The following CNTNAP2 variants were observed in gnomAD, a reference collection of about 807,000 sequenced individuals.
The protein encoded by CNTNAP2 is contactin associated protein 2.
Under a neutral mutation model 155.2 loss-of-function variants are expected in CNTNAP2, and 98 were observed. The ratio of observed to expected loss-of-function variants is 0.63; its 90% CI spans 0.54 to 0.75. CNTNAP2 has a LOEUF of 0.75. Ranked by LOEUF, CNTNAP2 falls within the 30% of genes least tolerant of loss-of-function variation. CNTNAP2 has a pLI of 0.00. For missense variants in CNTNAP2, 1,727 were observed against 1,688.1 expected (o/e 1.02, Z -0.40); for synonymous variants, 651 against 631.2 (o/e 1.03, Z -0.47).
intron 21 of CNTNAP2, among the ~76,000 whole-genome samples, chr7:148,383,103 G>A (rs1271067461): frequency 3.9e-5 from 6 of 152,078 alleles, no homozygotes; most frequent in Admixed American, 2.0e-4. Context: ...GACACTAGCC[G>A]GGGATTCTGT....
chr7:146,972,251 G>T (rs180935745), intron 3 of CNTNAP2, among the ~76,000 whole-genome samples: 16 of 152,234 alleles, frequency 1.1e-4, no homozygotes, highest in African/African-American at 3.4e-4. Flanking sequence ...CTTTATTAAT[G>T]TATATTCTAG....
At chr7:147,130,783 G>C (rs530312041) in intron 7 of CNTNAP2, among the ~76,000 whole-genome samples, 1 of 152,140 alleles carries the variant, frequency 6.6e-6, no homozygotes, top group South Asian at 2.1e-4. Flanking sequence ...TCCAAAGTCA[G>C]CACCGTTACT....
At chr7:147,675,943 A>T (rs1795859364) in intron 13 of CNTNAP2, among the ~76,000 whole-genome samples, 1 of 152,098 alleles carries the variant, frequency 6.6e-6, no homozygotes, top group South Asian at 2.1e-4. Flanking sequence ...AATTGTGATG[A>T]TACTAGCTTC....
chr7:148,342,018 C>T (rs1187725920), intron 21 of CNTNAP2, among the ~76,000 whole-genome samples: 1 of 152,184 alleles, frequency 6.6e-6, no homozygotes, highest in South Asian at 2.1e-4. Context: ...GCTTAGCCAA[C>T]GCATCTGAAA....
chr7:147,581,436 A>G (rs929435868), intron 12 of CNTNAP2, among the ~76,000 whole-genome samples: 1 of 152,240 alleles, frequency 6.6e-6, no homozygotes, highest in African/African-American at 2.4e-5. Context: ...TGTATAGACA[A>G]TTCCAATCAA....
At chr7:148,225,667 G>A (rs77669355) in intron 19 of CNTNAP2, among the ~76,000 whole-genome samples, 3,444 of 152,292 alleles carry the variant, frequency 0.023, 119 homozygotes, top group African/African-American at 0.078. Flanking sequence ...TGGGATCAGG[G>A]AAGGTTGGAG....
At chr7:147,352,016 G>A (rs866408170) in intron 9 of CNTNAP2, among the ~76,000 whole-genome samples, 26 of 151,998 alleles carry the variant, frequency 1.7e-4, no homozygotes, top group Middle Eastern at 3.4e-3. Context: ...ATGGCAATTT[G>A]TTTTGCTTTA....
At chr7:147,960,082 C>T (rs1191934469) in intron 14 of CNTNAP2, among the ~76,000 whole-genome samples, 1 of 152,120 alleles carries the variant, frequency 6.6e-6, no homozygotes, top group Non-Finnish European at 1.5e-5. Context: ...CTTGGCAAGC[C>T]ACCTAGTAGG....
chr7:146,160,830 G>A (rs1471449499), intron 1 of CNTNAP2, among the ~76,000 whole-genome samples: 1 of 152,106 alleles, frequency 6.6e-6, no homozygotes, highest in Non-Finnish European at 1.5e-5. Context: ...GAAAAAGAGG[G>A]AATCCTCCCT....
chr7:146,577,754 CATTTTT>C (rs1303534543), intron 1 of CNTNAP2, among the ~76,000 whole-genome samples: 1 of 151,874 alleles, frequency 6.6e-6, no homozygotes, highest in East Asian at 1.9e-4. Context: ...TATTTAATTT[CATTTTT>C]AATTATAAAG....
chr7:147,052,351 A>G (rs529706032), intron 4 of CNTNAP2, among the ~76,000 whole-genome samples: 3 of 152,292 alleles, frequency 2.0e-5, no homozygotes, highest in African/African-American at 7.2e-5. Context: ...CTCCCTGTAC[A>G]CAATAAATGT....
chr7:146,263,322 C>T (rs1381558146), intron 1 of CNTNAP2, among the ~76,000 whole-genome samples: 1 of 151,030 alleles, frequency 6.6e-6, no homozygotes, highest in East Asian at 1.9e-4. Flanking sequence ...AATAAAAAGC[C>T]TCATGTTTAA....
chr7:147,572,837 C>T lies in CNTNAP2; in HGVS notation c.1897+10580C>T, dbSNP rs145815468. Among the ~76,000 whole-genome samples the T allele has an allele frequency of 3.4e-3, 510 of 152,122 alleles. 2 individuals are homozygous for T. The highest frequency in any genetic ancestry group is 5.9e-3 in the Admixed American group (90 of 15,254). On this transcript the variant is annotated intron_variant, in intron 12 of 23. Transcript: ENST00000361727. ...TTTTTAACTAGGAATTTCTCTCTTC[C>T]GGCTAAACTTAAAGCCAATAATAAC...
At chr7:147,386,465 G>T (rs183044450) in intron 9 of CNTNAP2, among the ~76,000 whole-genome samples, 269 of 152,182 alleles carry the variant, frequency 1.8e-3, no homozygotes, top group African/African-American at 6.3e-3. Context: ...CTTAGAAATT[G>T]CTTCTGCCAG....
intron 1 of CNTNAP2, among the ~76,000 whole-genome samples, chr7:146,257,270 A>G (rs1054308324): frequency 1.3e-5 from 2 of 152,210 alleles, no homozygotes; most frequent in Non-Finnish European, 2.9e-5. Context: ...AACAAAAAGT[A>G]CAACTGGAAA....
At chr7:147,602,308 G>A (rs1423048243) in intron 12 of CNTNAP2, among the ~76,000 whole-genome samples, 3 of 151,004 alleles carry the variant, frequency 2.0e-5, no homozygotes, top group South Asian at 2.1e-4. Flanking sequence ...TTCTCCAAAG[G>A]CAATCAATGA....
intron 8 of CNTNAP2, among the ~76,000 whole-genome samples, chr7:147,136,740 A>T (rs1047514548): frequency 6.6e-6 from 1 of 152,000 alleles, no homozygotes; most frequent in Non-Finnish European, 1.5e-5. Flanking sequence ...CGTTTTCCAA[A>T]GTTCAGTGAT....
At chr7:148,359,850 T>TATTC (rs1462243372) in intron 21 of CNTNAP2, among the ~76,000 whole-genome samples, 1 of 152,238 alleles carries the variant, frequency 6.6e-6, no homozygotes, top group Non-Finnish European at 1.5e-5. Context: ...TAGTTTGGGA[T>TATTC]ATTCAGGTGC....
chr7:147,374,903 C>G (rs1796408876), intron 9 of CNTNAP2, among the ~76,000 whole-genome samples: 1 of 151,992 alleles, frequency 6.6e-6, no homozygotes, highest in South Asian at 2.1e-4. Flanking sequence ...TGATTTGGCT[C>G]TGTGTCCCCA....
Sources: gnomAD v4.1 joint callset for allele counts (sites outside exome capture counted in the v4.1 genomes callset) on GRCh38, gnomAD v4.1.1 for gene constraint, MANE v1.5 for transcripts, NCBI Gene and HGNC (gene_info 2026-07-23, HGNC 2026-07-21) for gene names.